The following RIMS1 variants were observed in gnomAD, a reference collection of about 807,000 sequenced individuals.
The protein encoded by RIMS1 is regulating synaptic membrane exocytosis protein 1.
Under a neutral mutation model 214.1 loss-of-function variants are expected in RIMS1, and 83 were observed. The ratio of observed to expected loss-of-function variants is 0.39; its 90% CI spans 0.32 to 0.47. The LOEUF (loss-of-function observed/expected upper bound fraction) is 0.47. Ranked by LOEUF, RIMS1 falls within the 20% of genes least tolerant of loss-of-function variation. RIMS1 has a pLI of 0.99. For synonymous variants in RIMS1, 793 were observed against 786.8 expected (o/e 1.01, Z -0.13); for missense variants, 2,050 against 2,161.8 (o/e 0.95, Z 1.03).
intron 1 of RIMS1, among the ~76,000 whole-genome samples, chr6:71,954,967 G>T (rs560515194): frequency 6.6e-6 from 1 of 151,796 alleles, no homozygotes; most frequent in South Asian, 2.1e-4. Flanking sequence ...TATAAAAATT[G>T]AATTATATAG....
At chr6:72,104,575 T>C (rs1020263392) in intron 4 of RIMS1, among the ~76,000 whole-genome samples, 1 of 152,100 alleles carries the variant, frequency 6.6e-6, no homozygotes, top group African/African-American at 2.4e-5. Flanking sequence ...GATACTGTAG[T>C]CTTTCAGAAC....
intron 26 of RIMS1, among the ~76,000 whole-genome samples, chr6:72,306,372 G>A (rs2095166471): frequency 6.6e-6 from 1 of 152,034 alleles, no homozygotes; most frequent in African/African-American, 2.4e-5. Flanking sequence ...TACAACATAG[G>A]TATAAGCTTT....
At chr6:72,339,902 CA>C (rs1191549459) in intron 29 of RIMS1, among the ~76,000 whole-genome samples, 2 of 152,036 alleles carry the variant, frequency 1.3e-5, no homozygotes, top group African/African-American at 4.8e-5. Flanking sequence ...GTCCCACCAA[CA>C]GTGTAAAAGT....
At chr6:72,361,076 G>T (rs2097796264) in intron 29 of RIMS1, among the ~76,000 whole-genome samples, 2 of 120,304 alleles carry the variant, frequency 1.7e-5, no homozygotes, top group Non-Finnish European at 1.7e-5. Flanking sequence ...GTAATCTTCT[G>T]TAGGAACGGG....
intron 4 of RIMS1, among the ~76,000 whole-genome samples, chr6:72,121,325 C>G (rs567858950): frequency 2.2e-4 from 33 of 151,918 alleles, no homozygotes; most frequent in African/African-American, 7.7e-4. Context: ...TCTTTTATTT[C>G]GTTGAGCAGT....
At chr6:72,186,398 C>T (rs1041929098) in intron 6 of RIMS1, among the ~76,000 whole-genome samples, 1 of 152,218 alleles carries the variant, frequency 6.6e-6, no homozygotes, top group African/African-American at 2.4e-5. Context: ...CTTAAAACTC[C>T]TCTTCTTCTG....
intron 29 of RIMS1, among the ~76,000 whole-genome samples, chr6:72,383,547 G>A (rs2098530447): frequency 6.7e-6 from 1 of 149,426 alleles, no homozygotes; most frequent in South Asian, 2.1e-4. Flanking sequence ...GCTGAGATGG[G>A]AGGATCACTT....
chr6:72,233,002 A>G (rs1046185308), intron 6 of RIMS1, among the ~76,000 whole-genome samples: 2 of 151,824 alleles, frequency 1.3e-5, no homozygotes, highest in African/African-American at 4.8e-5. Flanking sequence ...AAAATTTAAA[A>G]GGGAATTATT....
At chr6:72,119,918 C>T (rs2037892917) in intron 4 of RIMS1, among the ~76,000 whole-genome samples, 1 of 151,642 alleles carries the variant, frequency 6.6e-6, no homozygotes, top group Non-Finnish European at 1.5e-5. Flanking sequence ...GCTTTCTGTC[C>T]TTGTGATAGT....
chr6:71,948,446 G>C (rs1225845128), intron 1 of RIMS1, among the ~76,000 whole-genome samples: 1 of 152,096 alleles, frequency 6.6e-6, no homozygotes. Flanking sequence ...TTTTGCCCTG[G>C]CAATTTATGA....
At chr6:71,925,812 G>A (rs1306439373) in intron 1 of RIMS1, among the ~76,000 whole-genome samples, 3 of 152,216 alleles carry the variant, frequency 2.0e-5, no homozygotes, top group Admixed American at 6.5e-5. Context: ...TTTAGTCCAA[G>A]TGATTATGTC....
intron 2 of RIMS1, among the ~76,000 whole-genome samples, chr6:72,003,958 T>G (rs1344194880): frequency 1.3e-5 from 2 of 150,968 alleles, no homozygotes; most frequent in Non-Finnish European, 3.0e-5. Flanking sequence ...CATGCTGGTG[T>G]GCTGCACCCA....
At chr6:72,043,624 A>G (rs1453939460) in intron 2 of RIMS1, among the ~76,000 whole-genome samples, 1 of 140,894 alleles carries the variant, frequency 7.1e-6, no homozygotes, top group Non-Finnish European at 1.6e-5. Flanking sequence ...ATTTCACAGT[A>G]AAATTGTCAA....
chr6:72,032,024 T>C (rs1299060690), intron 2 of RIMS1, among the ~76,000 whole-genome samples: 3 of 152,144 alleles, frequency 2.0e-5, no homozygotes, highest in Non-Finnish European at 2.9e-5. Context: ...GAAGTCTTCT[T>C]GTAGAGGGTC....
At chr6:72,334,706 T>C (rs988581769) in intron 29 of RIMS1, among the ~76,000 whole-genome samples, 3 of 151,934 alleles carry the variant, frequency 2.0e-5, no homozygotes, top group Non-Finnish European at 4.4e-5. Context: ...AATTTACTTA[T>C]ACCAAAAAGC....
intron 22 of RIMS1, among the ~76,000 whole-genome samples, chr6:72,266,776 A>G (rs1432301359): frequency 1.3e-5 from 2 of 152,156 alleles, no homozygotes. Flanking sequence ...AGACTTAGTT[A>G]TAATTTTAAT....
intron 19 of RIMS1, among the ~76,000 whole-genome samples, chr6:72,264,346 A>G (rs2079437368): frequency 1.3e-5 from 2 of 152,182 alleles, no homozygotes; most frequent in African/African-American, 2.4e-5. Flanking sequence ...TTCAAAATCC[A>G]TATTCTGGTT....
chr6:72,258,548 CT>C (rs1374459540), intron 17 of RIMS1, among the ~76,000 whole-genome samples: 1 of 151,910 alleles, frequency 6.6e-6, no homozygotes, highest in South Asian at 2.1e-4. Flanking sequence ...TGCTAGTTTT[CT>C]TTCTTGTTAG....
chr6:72,112,079 C>T (rs1457391376), intron 4 of RIMS1, among the ~76,000 whole-genome samples: 2 of 152,152 alleles, frequency 1.3e-5, no homozygotes, highest in Non-Finnish European at 2.9e-5. Context: ...TTATTCCAGC[C>T]TTCTTCACTG....
Sources: allele counts gnomAD v4.1 joint callset (sites outside exome capture counted in the v4.1 genomes callset), GRCh38; gene constraint gnomAD v4.1.1; transcripts MANE v1.5; gene names NCBI Gene and HGNC (gene_info 2026-07-23, HGNC 2026-07-21).